The following TM9SF4 variants were observed in gnomAD, a reference collection of about 807,000 sequenced individuals.
TM9SF4 encodes the protein transmembrane 9 superfamily member 4, also known as dinucleotide oxidase disulfide thiol exchanger 3 superfamily member 4.
In TM9SF4, 26 loss-of-function variants were observed where a neutral mutation model predicts 90.4. That is an observed-to-expected ratio of 0.29 (90% CI 0.21 to 0.40). TM9SF4 has a LOEUF of 0.40. Among genes scored for constraint, TM9SF4 ranks in the 10% least tolerant of loss-of-function variants. The probability of loss-of-function intolerance (pLI) is 1.00; values close to 1 mark genes in which losing one functional copy is unlikely to be tolerated. For missense variants in TM9SF4, 549 were observed against 834.8 expected (o/e 0.66, Z 4.22); for synonymous variants, 293 against 315.4 (o/e 0.93, Z 0.75).
intron 17 of TM9SF4, among the ~76,000 whole-genome samples, chr20:32,162,300 G>A (rs2047029202): frequency 6.6e-6 from 1 of 152,196 alleles, no homozygotes; most frequent in Non-Finnish European, 1.5e-5. Flanking sequence ...AAACAGTCAA[G>A]TTGGAAAAGA....
At chr20:32,154,657 G>A (rs2046892129) in intron 12 of TM9SF4, among the ~76,000 whole-genome samples, 1 of 151,586 alleles carries the variant, frequency 6.6e-6, no homozygotes, top group African/African-American at 2.4e-5. Flanking sequence ...TTCGCCATGT[G>A]GGCCAGGCTG....
At chr20:32,121,753 G>A (rs2046311748) in intron 1 of TM9SF4, among the ~76,000 whole-genome samples, 1 of 151,796 alleles carries the variant, frequency 6.6e-6, no homozygotes, top group Non-Finnish European at 1.5e-5. Context: ...CGGGCAGAGG[G>A]GCTCCTCACT....
At position 32,110,154 on chromosome 20, in the gene TM9SF4, C is replaced by T. The variant is rs1206301990; in HGVS notation, c.15+399C>T. 3 of 813,620 alleles carry T rather than the reference C, an allele frequency of 3.7e-6. No homozygotes were observed. In the African/African-American group the frequency reaches 5.3e-5, roughly 14 times the overall value. The allele number at this position is 813,620 out of a possible 1,614,324, so 50.4% of individuals were successfully genotyped here. A position where few individuals can be genotyped will look rare whatever the true frequency, so the allele number is the denominator to read the frequency against. On this transcript the variant is annotated intron_variant, in intron 1 of 17. Transcript: ENST00000398022. The stretch of plus-strand genomic sequence containing the variant: ...GTCCAGACCCTGCTCTCCCCGCCTC[C>T]CCACCATCATAACCAGTCCGCAGAT...
chr20:32,151,318 T>C (rs982019360), intron 12 of TM9SF4, among the ~76,000 whole-genome samples: 1 of 152,174 alleles, frequency 6.6e-6, no homozygotes, highest in Non-Finnish European at 1.5e-5. Context: ...TGGTGAGGAT[T>C]GCTGCCCTTC....
intron 1 of TM9SF4, among the ~76,000 whole-genome samples, chr20:32,115,763 T>C (rs2046208913): frequency 6.6e-6 from 1 of 150,920 alleles, no homozygotes; most frequent in African/African-American, 2.4e-5. Context: ...TTACCTTATA[T>C]TAAAATTTTT....
intron 4 of TM9SF4, 29 bp from the exon 5 acceptor site, chr20:32,141,737 A>G: frequency 3.7e-6 from 6 of 1,613,562 alleles, no homozygotes; most frequent in Non-Finnish European, 5.1e-6. Context: ...GGCGGTCGAG[A>G]GGGACTGAGT....
intron 8 of TM9SF4, 91 bp downstream of exon 8, chr20:32,145,514 T>C (rs6121362): frequency 0.045 from 53,256 of 1,179,206 alleles, 3,293 homozygotes; most frequent in African/African-American, 0.26. Context: ...TCCAGGGTGT[T>C]CTGAGGGTCA....
At chr20:32,123,749 A>G (rs1388528577) in intron 1 of TM9SF4, among the ~76,000 whole-genome samples, 1 of 149,098 alleles carries the variant, frequency 6.7e-6, no homozygotes, top group Non-Finnish European at 1.5e-5. Flanking sequence ...ATTTTCTTCT[A>G]ATACTTCTAT....
At chr20:32,153,462 G>T (rs564825218) in intron 12 of TM9SF4, among the ~76,000 whole-genome samples, 1 of 152,206 alleles carries the variant, frequency 6.6e-6, no homozygotes. Context: ...TGGCAAGAAG[G>T]TTCATGCCGG....
Position 32,145,182 on chromosome 20 carries a change from G to A in TM9SF4, c.744G>A (p.Leu248=), listed in dbSNP as rs749033238. The A allele has an allele frequency of 1.2e-5, 20 of 1,614,090 alleles. No individual in the cohort carries two copies. The African/African-American group carries it at 2.3e-4, about 18-fold the overall frequency. Residue 248 remains leucine, a synonymous_variant, in exon 7 of 18, where the codon CTG becomes CTA. Coordinates refer to ENST00000398022, the MANE Select transcript of TM9SF4 (RefSeq NM_014742.4). ...TTGACCCCACCAAGGAGAATCAGCT[G>A]TACTTCACCTACTCTGTCCACTGGG... ...QEIDPTKENQ[L]YFTYSVHWEE...
At chr20:32,123,894 C>A (rs1419102901) in intron 1 of TM9SF4, among the ~76,000 whole-genome samples, 3 of 66,304 alleles carry the variant, frequency 4.5e-5, no homozygotes, top group African/African-American at 1.5e-4. Context: ...ATAGGGTCTC[C>A]CTCTGTCATC....
intron 17 of TM9SF4, 44 bp downstream of exon 17, chr20:32,161,409 G>A (rs1454755741): frequency 6.3e-7 from 1 of 1,579,154 alleles, no homozygotes; most frequent in East Asian, 2.2e-5. Context: ...TCATAGGGTA[G>A]GAAGGTCAGG....
chr20:32,149,597 C>G, intron 9 of TM9SF4, 37 bp from the exon 10 acceptor site: 1 of 1,614,144 alleles, frequency 6.2e-7, no homozygotes, highest in African/African-American at 1.3e-5. Flanking sequence ...CTGCCTCCAT[C>G]TTCAACAACC....
At position 32,158,478 on chromosome 20, in the gene TM9SF4, C is replaced by T. The variant is rs770916128; in HGVS notation, c.1533C>T (p.Phe511=). The T allele has an allele frequency of 6.7e-5, 108 of 1,614,068 alleles. No homozygotes were observed. The highest frequency in any genetic ancestry group is 3.3e-4 in the Middle Eastern group (2 of 6,084). ...VGILMAGILP[F]GAMFIELFFI... ...TCCTCATGGCTGGGATCTTGCCCTT[C>T]GGCGCCATGTTCATCGAGCTCTTCT... Residue 511 remains phenylalanine, a synonymous_variant, in exon 15 of 18, where the codon TTC becomes TTT. Coordinates refer to ENST00000398022, the MANE Select transcript of TM9SF4 (RefSeq NM_014742.4).
At position 32,163,295 on chromosome 20, in the gene TM9SF4, ATG is replaced by A. The variant is rs1437283122; in HGVS notation, c.1779+1932_1779+1933del. Among the ~76,000 whole-genome samples, 488 of 51,770 alleles carry A rather than the reference ATG, an allele frequency of 9.4e-3. 3 individuals carry two copies. Among genetic ancestry groups the A allele is most frequent in the East Asian group, 0.061 (37 of 610 alleles). The allele number at this position is 51,770 out of a possible 152,430, so 34.0% of individuals were successfully genotyped here. A position where few individuals can be genotyped will look rare whatever the true frequency, so the allele number is the denominator to read the frequency against. Reference sequence around the variant, plus strand: ...TATATATATATATATATATATATATATGTATGTATGTATGTATGTACACATAC... The same window carrying A: ...TATATATATATATATATATATATATATATGTATGTATGTATGTACACATAC... On this transcript the variant is annotated intron_variant, in intron 17 of 17. Transcript: ENST00000398022.
chr20:32,120,395 G>GTTTTTTTTTTTTTTTTT (rs34639926), intron 1 of TM9SF4, among the ~76,000 whole-genome samples: 1 of 116,226 alleles, frequency 8.6e-6, no homozygotes, highest in Non-Finnish European at 1.7e-5. Context: ...TAAGTGGTGC[G>GTTTTTTTTTTTTTTTTT]TTTTTTTTTT....
At chr20:32,141,744 G>T in intron 4 of TM9SF4, 22 bp from the exon 5 acceptor site, 1 of 1,613,952 alleles carries the variant, frequency 6.2e-7, no homozygotes, top group Non-Finnish European at 8.5e-7. Context: ...GAGAGGGACT[G>T]AGTGGGGCCT....
intron 3 of TM9SF4, 116 bp from the exon 4 acceptor site, chr20:32,141,381 C>A: frequency 1.6e-6 from 2 of 1,277,260 alleles, no homozygotes; most frequent in Non-Finnish European, 2.2e-6. Context: ...GGCTGAGGCA[C>A]TGCTGAAGTC....
At chr20:32,160,241 G>A (rs898735706) in intron 16 of TM9SF4, 130 bp downstream of exon 16, 13 of 1,369,258 alleles carry the variant, frequency 9.5e-6, no homozygotes, top group African/African-American at 2.9e-5. Context: ...TGAGCTCTTG[G>A]GCCAGTACGT....
Sources: allele counts gnomAD v4.1 joint callset (sites outside exome capture counted in the v4.1 genomes callset), GRCh38; gene constraint gnomAD v4.1.1; transcripts MANE v1.5; gene names NCBI Gene and HGNC (gene_info 2026-07-23, HGNC 2026-07-21).